The following ATP10B variants were observed in gnomAD, a reference collection of about 807,000 sequenced individuals.
The protein encoded by ATP10B is ATPase phospholipid transporting 10B (putative).
ATP10B carries 122 observed loss-of-function variants against 141.2 expected under a neutral mutation model. The observed-to-expected ratio is 0.86, with a 90% CI of 0.75 to 1.00. ATP10B has a LOEUF of 1.00. Ranked by LOEUF, ATP10B falls within the 50% of genes least tolerant of loss-of-function variation. The pLI, the probability that ATP10B is intolerant of heterozygous loss-of-function variation, is 0.00. For synonymous variants in ATP10B, 685 were observed against 692.0 expected, an observed-to-expected ratio of 0.99 and a Z score of 0.16; for missense variants, 1,876 against 1,825.3, an observed-to-expected ratio of 1.03 and a Z score of -0.51.
intron 2 of ATP10B, among the ~76,000 whole-genome samples, chr5:160,728,690 AC>A (rs926705940): frequency 1.3e-5 from 2 of 152,202 alleles, no homozygotes; most frequent in African/African-American, 4.8e-5. Context: ...AATTTTTCAC[AC>A]CTTTGGTCTT....
At chr5:160,649,083 A>G (rs1021778463) in intron 8 of ATP10B, 88 bp downstream of exon 8, 1 of 891,036 alleles carries the variant, frequency 1.1e-6, no homozygotes, top group East Asian at 2.6e-5. Context: ...CAGGATGAAG[A>G]TGCTTATTTG....
chr5:160,758,026 C>A (rs911657139), intron 2 of ATP10B, among the ~76,000 whole-genome samples: 1 of 152,112 alleles, frequency 6.6e-6, no homozygotes, highest in Non-Finnish European at 1.5e-5. Context: ...ATAGAAGATA[C>A]AAATAGTAGT....
At chr5:160,923,969 G>A in the ATP10B span, among the ~76,000 whole-genome samples, 5 of 152,346 alleles carry the variant, frequency 3.3e-5, no homozygotes, top group African/African-American at 9.6e-5. Flanking sequence ...CTGCCCTCAT[G>A]TTTACCTATT....
intron 1 of ATP10B, among the ~76,000 whole-genome samples, chr5:160,804,901 C>A (rs1033362069): frequency 6.6e-6 from 1 of 152,212 alleles, no homozygotes; most frequent in African/African-American, 2.4e-5. Flanking sequence ...CCCCCACCAC[C>A]AAAATCCATT....
intron 2 of ATP10B, among the ~76,000 whole-genome samples, chr5:160,744,670 A>C (rs1767687040): frequency 6.6e-6 from 1 of 152,252 alleles, no homozygotes; most frequent in Non-Finnish European, 1.5e-5. Flanking sequence ...GCTTTGAGGC[A>C]GACATGAATT....
intron 1 of ATP10B, among the ~76,000 whole-genome samples, chr5:160,797,284 T>A (rs1321567297): frequency 6.6e-6 from 1 of 152,210 alleles, no homozygotes; most frequent in Non-Finnish European, 1.5e-5. Context: ...TATGGATGCA[T>A]GCACAACGAA....
At chr5:160,919,467 G>A in the ATP10B span, among the ~76,000 whole-genome samples, 4,498 of 152,084 alleles carry the variant, frequency 0.03, 83 homozygotes, top group South Asian at 0.068. Flanking sequence ...ATGGGATTTG[G>A]GGAGATGACT....
chr5:160,832,452 AG>A (rs1775155831), intron 1 of ATP10B, among the ~76,000 whole-genome samples: 1 of 152,278 alleles, frequency 6.6e-6, no homozygotes, highest in South Asian at 2.1e-4. Context: ...AAAAGTGTTA[AG>A]TTGTAGAGAG....
intron 7 of ATP10B, among the ~76,000 whole-genome samples, chr5:160,658,231 A>C (rs896494448): frequency 1.3e-5 from 2 of 152,212 alleles, no homozygotes; most frequent in Non-Finnish European, 2.9e-5. Flanking sequence ...TGAACGGACT[A>C]TAATAGTTGA....
intron 1 of ATP10B, among the ~76,000 whole-genome samples, chr5:160,846,329 A>G (rs1443198687): frequency 6.6e-6 from 1 of 152,170 alleles, no homozygotes; most frequent in East Asian, 1.9e-4. Flanking sequence ...TATGACAGGA[A>G]CTATATACTA....
intron 22 of ATP10B, among the ~76,000 whole-genome samples, chr5:160,595,519 G>A (rs948677552): frequency 3.5e-4 from 54 of 152,282 alleles, no homozygotes; most frequent in African/African-American, 1.2e-3. Flanking sequence ...AAAGCTAGCA[G>A]AAGGCAAGAA....
chr5:160,782,499 C>T (rs943937133), intron 2 of ATP10B, among the ~76,000 whole-genome samples: 1 of 149,454 alleles, frequency 6.7e-6, no homozygotes, highest in Non-Finnish European at 1.5e-5. Flanking sequence ...TTTAGGAGCC[C>T]AGCCTCACAG....
intron 2 of ATP10B, among the ~76,000 whole-genome samples, chr5:160,751,294 T>C (rs1412706844): frequency 1.3e-5 from 2 of 152,152 alleles, no homozygotes; most frequent in African/African-American, 4.8e-5. Context: ...TCCCCCTTTT[T>C]CTCTCTCTCA....
chr5:160,633,731 A>AGT (rs965306415), intron 12 of ATP10B: 15 of 112,346 alleles, frequency 1.3e-4, no homozygotes, highest in African/African-American at 2.6e-4. Context: ...TTTCTTAGAA[A>AGT]GTGTGTGTGT....
intron 12 of ATP10B, chr5:160,633,353 A>G (rs1335820217): frequency 6.6e-6 from 1 of 152,284 alleles, no homozygotes; most frequent in African/African-American, 2.4e-5. Context: ...AATGTGGCAC[A>G]TATACACCAT....
chr5:160,774,104 G>T (rs568221802), intron 2 of ATP10B, among the ~76,000 whole-genome samples: 6 of 152,272 alleles, frequency 3.9e-5, no homozygotes, highest in Non-Finnish European at 2.9e-5. Flanking sequence ...TCTAATTGAG[G>T]ATGATGTTTT....
At chr5:160,753,096 G>A (rs1768274580) in intron 2 of ATP10B, among the ~76,000 whole-genome samples, 1 of 152,220 alleles carries the variant, frequency 6.6e-6, no homozygotes, top group Non-Finnish European at 1.5e-5. Context: ...TTAGGAGTGT[G>A]CCAGGGGATG....
At chr5:160,675,302 A>C (rs1231767677) in intron 6 of ATP10B, among the ~76,000 whole-genome samples, 2 of 151,814 alleles carry the variant, frequency 1.3e-5, no homozygotes, top group Non-Finnish European at 2.9e-5. Context: ...AATAAGACAA[A>C]TCAACATGGC....
chr5:160,693,342 T>G (rs897008429), intron 3 of ATP10B, among the ~76,000 whole-genome samples: 2 of 150,912 alleles, frequency 1.3e-5, no homozygotes, highest in African/African-American at 4.9e-5. Flanking sequence ...CACTCTTGGT[T>G]TTAGGAAATC....
Sources: gnomAD v4.1 joint callset for allele counts (sites outside exome capture counted in the v4.1 genomes callset) on GRCh38, gnomAD v4.1.1 for gene constraint, MANE v1.5 for transcripts, NCBI Gene and HGNC (gene_info 2026-07-23, HGNC 2026-07-21) for gene names.